The following NAALADL2 variants were observed in gnomAD, a reference collection of about 807,000 sequenced individuals.
The protein encoded by NAALADL2 is N-acetylated alpha-linked acidic dipeptidase like 2.
A neutral mutation model predicts 87.2 loss-of-function variants in NAALADL2; 76 were observed. The observed-to-expected ratio is 0.87, with a 90% CI of 0.72 to 1.05. NAALADL2 has a LOEUF of 1.05. Ranked by LOEUF, NAALADL2 falls within the 50% of genes least tolerant of loss-of-function variation. NAALADL2 has a pLI of 0.00. For synonymous variants in NAALADL2, 354 were observed against 331.0 expected, an observed-to-expected ratio of 1.07 and a Z score of -0.75; for missense variants, 1,089 against 945.8, an observed-to-expected ratio of 1.15 and a Z score of -1.99.
In NAALADL2 at chr3:175,718,796, G is replaced by A. The variant is rs74326686; in HGVS notation, c.1897-18510G>A. Reference sequence around the variant, plus strand: ...TTAAAAATTAGCCAAGCATGGTGACGCACACACCACTGCACTCCAGCCTGG... The same window carrying A: ...TTAAAAATTAGCCAAGCATGGTGACACACACACCACTGCACTCCAGCCTGG... On this transcript the variant is annotated intron_variant, in intron 11 of 13. Coordinates refer to ENST00000454872, the MANE Select transcript of NAALADL2 (RefSeq NM_207015.3). The A allele has an allele frequency of 2.8e-3, 1,904 of 683,598 alleles. 56 individuals are homozygous for A. In the Admixed American group the frequency reaches 0.042, roughly 15 times the overall value. 42.3% of individuals were successfully genotyped at this position (683,598 alleles called of 1,614,324 possible).
In NAALADL2 at chr3:174,793,531, C is replaced by T. The variant is rs932082717; in HGVS notation, c.-9+55785C>T. Reference sequence around the variant, plus strand: ...ATCACCACCAAAGCTGTGGTCAAATCATGTGTCCATTGATAGTTCTGAGTA... The same window carrying T: ...ATCACCACCAAAGCTGTGGTCAAATTATGTGTCCATTGATAGTTCTGAGTA... On this transcript the variant is annotated intron_variant, in intron 3 of 3. Coordinates refer to the NAALADL2 transcript ENST00000434257. 5.3e-5 allele frequency among the ~76,000 whole-genome samples: 8 copies of T among 152,244 alleles called. No individual in the cohort carries two copies. In the South Asian group the frequency reaches 1.4e-3, roughly 28 times the overall value.
At chr3:175,078,905 A>G (rs1446734399) in intron 1 of NAALADL2, among the ~76,000 whole-genome samples, 1 of 152,222 alleles carries the variant, frequency 6.6e-6, no homozygotes, top group Non-Finnish European at 1.5e-5. Context: ...ACATTTGTGT[A>G]CAAGTGTTTG....
chr3:175,151,075 A>G (rs572029421), intron 2 of NAALADL2, among the ~76,000 whole-genome samples: 1 of 152,300 alleles, frequency 6.6e-6, no homozygotes, highest in Admixed American at 6.5e-5. Flanking sequence ...AAATAAAAAG[A>G]CACACCTGTA....
chr3:174,572,820 C>T (rs1173230882), intron 2 of NAALADL2, among the ~76,000 whole-genome samples: 1 of 152,128 alleles, frequency 6.6e-6, no homozygotes, highest in Admixed American at 6.5e-5. Flanking sequence ...ATAATAACAA[C>T]AGTGATAATT....
intron 11 of NAALADL2, among the ~76,000 whole-genome samples, chr3:175,720,728 T>C (rs1011024865): frequency 1.3e-5 from 2 of 152,062 alleles, no homozygotes; most frequent in African/African-American, 2.4e-5. Context: ...AGACTGCAAC[T>C]AAGGACTCCT....
intron 4 of NAALADL2, among the ~76,000 whole-genome samples, chr3:175,284,503 T>C (rs1308699459): frequency 1.3e-5 from 2 of 151,540 alleles, no homozygotes; most frequent in African/African-American, 4.9e-5. Context: ...ATTATTTGTA[T>C]GGAGGCCTGA....
Position 175,214,130 on chromosome 3 carries a change from G to A in NAALADL2, c.546-19801G>A, listed in dbSNP as rs138555812. Among the ~76,000 whole-genome samples the A allele has an allele frequency of 6.1e-3, 928 of 152,256 alleles. 46 individuals carry two copies. The highest frequency in any genetic ancestry group is 0.052 in the Admixed American group (793 of 15,276). ...TTTGAAACAAATGAAGATATTTGGA[G>A]AAGAAATACTGGCATTGCTTTTATG... On this transcript the variant is annotated intron_variant, in intron 2 of 13. Coordinates refer to ENST00000454872, the MANE Select transcript of NAALADL2 (RefSeq NM_207015.3).
chr3:175,011,750 G>T (rs1397745813), intron 1 of NAALADL2, among the ~76,000 whole-genome samples: 1 of 152,104 alleles, frequency 6.6e-6, no homozygotes, highest in Non-Finnish European at 1.5e-5. Flanking sequence ...TGTGCCAAGA[G>T]ACCCAAATCT....
intron 1 of NAALADL2, among the ~76,000 whole-genome samples, chr3:174,925,843 C>T (rs1237295165): frequency 2.0e-5 from 3 of 151,934 alleles, no homozygotes; most frequent in African/African-American, 7.3e-5. Flanking sequence ...AGCAACAGAA[C>T]AAAGCTGGAT....
intron 11 of NAALADL2, among the ~76,000 whole-genome samples, chr3:175,695,111 T>A (rs1009244583): frequency 4.6e-5 from 7 of 152,112 alleles, no homozygotes; most frequent in African/African-American, 1.2e-4. Flanking sequence ...GGGCATTTTT[T>A]AAATAAAATG....
intron 10 of NAALADL2, among the ~76,000 whole-genome samples, chr3:175,623,869 G>A (rs1284832208): frequency 6.6e-5 from 10 of 150,832 alleles, no homozygotes; most frequent in Non-Finnish European, 1.3e-4. Context: ...GTTTCTTGGC[G>A]TTTTTTTGTT....
chr3:175,435,588 T>C (rs1193804237), intron 5 of NAALADL2, among the ~76,000 whole-genome samples: 3 of 152,106 alleles, frequency 2.0e-5, no homozygotes, highest in Non-Finnish European at 2.9e-5. Context: ...GCCAAAATTT[T>C]ATACATATTT....
intron 10 of NAALADL2, among the ~76,000 whole-genome samples, chr3:175,585,169 ATT>A (rs1336722061): frequency 1.3e-5 from 2 of 151,264 alleles, no homozygotes; most frequent in South Asian, 2.1e-4. Flanking sequence ...ACTTTAAAAA[ATT>A]TTTTTTGTTA....
At chr3:174,723,629 G>A (rs1484454652) in intron 2 of NAALADL2, among the ~76,000 whole-genome samples, 6 of 151,712 alleles carry the variant, frequency 4.0e-5, no homozygotes, top group Non-Finnish European at 7.4e-5. Context: ...GGTGGCGGGC[G>A]CCTGTAGTCC....
intron 10 of NAALADL2, among the ~76,000 whole-genome samples, chr3:175,605,771 C>T (rs1399700760): frequency 6.6e-6 from 1 of 151,432 alleles, no homozygotes; most frequent in Non-Finnish European, 1.5e-5. Flanking sequence ...AGCACAGACT[C>T]CTGGTTTTAA....
At chr3:175,588,486 G>A (rs927647406) in intron 10 of NAALADL2, among the ~76,000 whole-genome samples, 1 of 147,684 alleles carries the variant, frequency 6.8e-6, no homozygotes, top group South Asian at 2.2e-4. Context: ...TCTGGGAGAT[G>A]TGTTTTTAAG....
chr3:175,402,422 G>C (rs1204018535), intron 5 of NAALADL2, among the ~76,000 whole-genome samples: 1 of 152,040 alleles, frequency 6.6e-6, no homozygotes, highest in Admixed American at 6.6e-5. Context: ...ATTGCTTTTA[G>C]AGTGATCATT....
intron 1 of NAALADL2, among the ~76,000 whole-genome samples, chr3:174,490,016 A>G (rs1718085114): frequency 6.6e-6 from 1 of 152,148 alleles, no homozygotes; most frequent in South Asian, 2.1e-4. Flanking sequence ...CGTTAAAAAG[A>G]CATACCATAT....
At chr3:175,355,329 C>T (rs1313089899) in intron 5 of NAALADL2, among the ~76,000 whole-genome samples, 2 of 152,016 alleles carry the variant, frequency 1.3e-5, no homozygotes, top group Non-Finnish European at 2.9e-5. Flanking sequence ...AGCCTCCTCC[C>T]AAAGTGCTGT....
Sources: gnomAD v4.1 joint callset for allele counts (sites outside exome capture counted in the v4.1 genomes callset) on GRCh38, gnomAD v4.1.1 for gene constraint, MANE v1.5 for transcripts, NCBI Gene and HGNC (gene_info 2026-07-23, HGNC 2026-07-21) for gene names.